Variants in FRY observed in about 807,000 individuals in gnomAD.
The protein encoded by FRY is protein furry homolog.
In FRY, 128 loss-of-function variants were observed where a neutral mutation model predicts 348.4. The observed-to-expected ratio is 0.37, with a 90% CI of 0.32 to 0.43. The LOEUF is 0.43. FRY is among the 20% of genes least tolerant of loss of function. The pLI is 1.00. For missense variants in FRY, 2,736 were observed against 3,695.2 expected (o/e 0.74, Z 6.73); for synonymous variants, 1,370 against 1,374.7 (o/e 1.00, Z 0.08).
At chr13:32,051,747 G>A (rs1187975711) in intron 1 of FRY, among the ~76,000 whole-genome samples, 1 of 152,196 alleles carries the variant, frequency 6.6e-6, no homozygotes, top group Non-Finnish European at 1.5e-5. Context: ...ACAAAACACT[G>A]CAGCAGAAGC....
Position 32,246,765 on chromosome 13 carries a change from G to A in FRY, c.6829-558G>A, listed in dbSNP as rs540326003. Among the ~76,000 whole-genome samples, 8 of 152,322 alleles carry A rather than the reference G, an allele frequency of 5.3e-5. No individual in the cohort carries two copies. The East Asian group carries it at 7.7e-4, about 15-fold the overall frequency. On this transcript the variant is annotated intron_variant, in intron 47 of 60. Transcript: ENST00000542859. ...CTGAGCCAGTGCCAGCAGGAATGCCGTGGAGGGAACAGATTACCAGGAGGG... is the reference window on the plus strand; with the variant it reads ...CTGAGCCAGTGCCAGCAGGAATGCCATGGAGGGAACAGATTACCAGGAGGG...
intron 22 of FRY, 76 bp downstream of exon 22, chr13:32,179,109 A>T: frequency 1.0e-5 from 11 of 1,080,394 alleles, no homozygotes; most frequent in Non-Finnish European, 1.4e-5. Context: ...CACAGTGCAA[A>T]TTGCACTGTG....
In FRY at chr13:32,237,527, A is replaced by C. The variant is rs1240862450; in HGVS notation, c.5959A>C (p.Lys1987Gln). ...RHQRSFSVPK[K>Q]FGVIDRSSDP... ...TCAACGAAGCTTCTCTGTGCCCAAG[A>C]AGTTTGGTGTCATCGACCGATCCTC... Residue 1987 changes from lysine (K) to glutamine (Q), a missense_variant, in exon 44 of 61, where the codon AAG becomes CAG. Around this residue, in one of 9 missense-constraint regions of FRY, gnomAD observed 12 missense variants for 38.6 expected, o/e 0.31. Coordinates refer to ENST00000542859, the MANE Select transcript of FRY (RefSeq NM_023037.3). This position sits in a 1 kb window ranked among gnomAD's most constrained non-coding sequence, Gnocchi z 6.3. The C allele has an allele frequency of 6.2e-7, 1 of 1,613,994 alleles. No individual in the cohort carries two copies. The highest frequency in any genetic ancestry group is 1.7e-5 in the Admixed American group (1 of 60,006).
At chr13:32,278,444 C>T in intron 57 of FRY, 21 bp from the exon 58 acceptor site, 1 of 1,342,422 alleles carries the variant, frequency 7.4e-7, no homozygotes, top group South Asian at 1.2e-5. Flanking sequence ...TTACCTATGT[C>T]TTTCCCTCTC....
chr13:32,186,498 A>T, intron 27 of FRY, 78 bp downstream of exon 27: 1 of 942,982 alleles, frequency 1.1e-6, no homozygotes, highest in Non-Finnish European at 1.7e-6. Context: ...TGCCTTAAAA[A>T]TAAGCTTAAA....
intron 41 of FRY, among the ~76,000 whole-genome samples, chr13:32,232,706 G>T (rs1885985372): frequency 2.0e-5 from 3 of 152,154 alleles, no homozygotes. Context: ...TATCCAGTGG[G>T]TTTTTTTCCA....
rs1250888785 is a variant in FRY, at chr13:32,231,186, G to T, written c.5413G>T (p.Gly1805Cys). The T allele has an allele frequency of 6.2e-7, 1 of 1,613,280 alleles. No individual in the cohort carries two copies. Among genetic ancestry groups the T allele is most frequent in the African/African-American group, 1.3e-5 (1 of 74,876 alleles). Residue 1805 changes from glycine (G) to cysteine (C), a missense_variant, in exon 41 of 61, where the codon GGT (glycine) becomes TGT (cysteine). Physicochemically the swap from Gly to Cys is radical, Grantham distance 159. Coordinates refer to ENST00000542859, the MANE Select transcript of FRY (RefSeq NM_023037.3). Reference sequence around the variant, plus strand: ...TTGTGTGTTTTGTTTAAGGGCATTTGGTCCACTTTGGTGCCATGAAGACAT... The same window carrying T: ...TTGTGTGTTTTGTTTAAGGGCATTTTGTCCACTTTGGTGCCATGAAGACAT... Reference protein sequence around the residue: ...LIEFLTTRAFGPLWCHEDITP... With the variant: ...LIEFLTTRAFCPLWCHEDITP...
At chr13:32,241,556 A>G (rs1447183190) in intron 46 of FRY, among the ~76,000 whole-genome samples, 2 of 152,186 alleles carry the variant, frequency 1.3e-5, no homozygotes, top group Non-Finnish European at 2.9e-5. Flanking sequence ...GGGATGATGA[A>G]CAAGTTCTGG....
intron 1 of FRY, among the ~76,000 whole-genome samples, chr13:32,049,752 GA>G (rs1873225090): frequency 6.6e-6 from 1 of 152,188 alleles, no homozygotes; most frequent in African/African-American, 2.4e-5. Context: ...GAGTTAGATA[GA>G]AGGGAACAGA....
At chr13:32,045,858 A>T (rs1872991254) in intron 1 of FRY, among the ~76,000 whole-genome samples, 1 of 152,248 alleles carries the variant, frequency 6.6e-6, no homozygotes, top group Non-Finnish European at 1.5e-5. Context: ...AACAGGCTAG[A>T]TTTGACAAGG....
rs762558909 is a variant in FRY, at chr13:32,287,234, T to A, written c.8470-2399T>A. 2.6e-5 allele frequency among the ~76,000 whole-genome samples: 4 copies of A among 151,734 alleles called. No homozygotes were observed. The East Asian group carries it at 7.7e-4, about 29-fold the overall frequency. On this transcript the variant is annotated intron_variant, in intron 58 of 60. Coordinates refer to ENST00000542859, the MANE Select transcript of FRY (RefSeq NM_023037.3). Reference sequence around the variant, plus strand: ...TTATAAAAAGTAAAATGCAAGAAAATTACCTGTCATATCTCACACTTGTTT... The same window carrying A: ...TTATAAAAAGTAAAATGCAAGAAAAATACCTGTCATATCTCACACTTGTTT...
chr13:32,040,140 G>A (rs1246719057), intron 1 of FRY, among the ~76,000 whole-genome samples: 3 of 152,202 alleles, frequency 2.0e-5, no homozygotes, highest in Non-Finnish European at 2.9e-5. Context: ...GAAAAGAATA[G>A]GGTATTAGAT....
chr13:32,238,188 G>T (rs548853065), intron 44 of FRY, among the ~76,000 whole-genome samples: 2 of 152,134 alleles, frequency 1.3e-5, no homozygotes, highest in East Asian at 3.9e-4. Context: ...TAAGGCAGTA[G>T]CATAAAAGGG....
chr13:32,261,544 C>G lies in FRY; in HGVS notation c.7417-72C>G, dbSNP rs1469374848. The stretch of plus-strand genomic sequence containing the variant: ...GACAATATTTGTTCCCAAGCTATGA[C>G]TAATTGAATGTGTGAACATGTGAGT... On this transcript the variant is annotated intron_variant, in intron 51 of 60. Transcript: ENST00000542859. 11 of 1,200,920 alleles carry G rather than the reference C, an allele frequency of 9.2e-6. 1 individual carries two copies. The South Asian group carries it at 9.6e-5, about 11-fold the overall frequency. 74.4% of individuals were successfully genotyped at this position (1,200,920 alleles called of 1,614,324 possible).
chr13:32,227,662 G>T (rs1228801035), intron 39 of FRY, among the ~76,000 whole-genome samples: 1 of 151,546 alleles, frequency 6.6e-6, no homozygotes, highest in Non-Finnish European at 1.5e-5. Flanking sequence ...TAATACTAAA[G>T]CTTCTGGGCA....
At chr13:32,041,283 C>CTTTT (rs11286980) in intron 1 of FRY, among the ~76,000 whole-genome samples, 2 of 65,006 alleles carry the variant, frequency 3.1e-5, no homozygotes, top group Non-Finnish European at 5.7e-5. Flanking sequence ...TAATCTTCTG[C>CTTTT]TTTTTTTTTT....
intron 17 of FRY, among the ~76,000 whole-genome samples, chr13:32,162,301 A>G (rs205012): frequency 0.27 from 41,157 of 152,004 alleles, 5,975 homozygotes; most frequent in Middle Eastern, 0.38. Flanking sequence ...GATGCATTAC[A>G]CATAGCCTGG....
chr13:32,177,568 T>A (rs1287938149), intron 20 of FRY, among the ~76,000 whole-genome samples: 2 of 151,634 alleles, frequency 1.3e-5, no homozygotes, highest in East Asian at 1.9e-4. Flanking sequence ...CACTCCAGTC[T>A]GTGTGACAGA....
chr13:32,132,632 T>C (rs1879440367), intron 8 of FRY, among the ~76,000 whole-genome samples: 1 of 152,172 alleles, frequency 6.6e-6, no homozygotes, highest in African/African-American at 2.4e-5. Flanking sequence ...CCCTGGCAGT[T>C]CCTCAAATAG....
Sources: gnomAD v4.1 joint callset for allele counts (sites outside exome capture counted in the v4.1 genomes callset) on GRCh38, gnomAD v4.1.1 for gene constraint, gnomAD v4.1.1 regional missense constraint, Gnocchi (gnomAD v3.1) non-coding constraint, MANE v1.5 for transcripts, NCBI Gene and HGNC (gene_info 2026-07-23, HGNC 2026-07-21) for gene names.